The following ANKS1B variants were observed in gnomAD, a reference collection of about 807,000 sequenced individuals.
The protein encoded by ANKS1B is ankyrin repeat and sterile alpha motif domain containing 1B.
Under a neutral mutation model 148.3 loss-of-function variants are expected in ANKS1B, and 36 were observed. The ratio of observed to expected loss-of-function variants is 0.24; its 90% CI spans 0.19 to 0.32. The LOEUF (loss-of-function observed/expected upper bound fraction) is 0.32, where lower values mean the gene tolerates loss of function less well. ANKS1B is among the 10% of genes least tolerant of loss of function. ANKS1B has a pLI of 1.00. For synonymous variants in ANKS1B, 542 were observed against 560.8 expected, an observed-to-expected ratio of 0.97 and a Z score of 0.47; for missense variants, 1,157 against 1,542.6, an observed-to-expected ratio of 0.75 and a Z score of 4.19.
chr12:98,964,062 C>A (rs544080406), intron 17 of ANKS1B, among the ~76,000 whole-genome samples: 21 of 152,040 alleles, frequency 1.4e-4, no homozygotes, highest in African/African-American at 4.8e-4. Flanking sequence ...CGTGCCATTG[C>A]ACTCCAGCCT....
In ANKS1B at chr12:99,062,657, A is replaced by G. The variant is rs917899570; in HGVS notation, c.2626-9348T>C. Among the ~76,000 whole-genome samples, 82 of 152,140 alleles carry G rather than the reference A, an allele frequency of 5.4e-4. 1 individual carries two copies. Among genetic ancestry groups the G allele is most frequent in the African/African-American group, 1.9e-3 (79 of 41,428 alleles). On this transcript the variant is annotated intron_variant, in intron 16 of 26. Transcript: ENST00000683438. Reference sequence around the variant, plus strand: ...GACACCTTATTGAGAAGAGCACAGAAGCTGAGCTGCCCTAGGTTGGGGAGT... The same window carrying G: ...GACACCTTATTGAGAAGAGCACAGAGGCTGAGCTGCCCTAGGTTGGGGAGT...
chr12:99,555,253 G>A (rs868624896), intron 9 of ANKS1B, among the ~76,000 whole-genome samples: 3 of 152,214 alleles, frequency 2.0e-5, no homozygotes, highest in Middle Eastern at 6.8e-3. Flanking sequence ...CACAATGGTT[G>A]AACTAATTTA....
In ANKS1B at chr12:98,765,648, C is replaced by G. The variant is rs559245719; in HGVS notation, c.3579+7394G>C. Among the ~76,000 whole-genome samples the G allele has an allele frequency of 1.6e-4, 24 of 151,952 alleles. No homozygotes were observed. The South Asian group carries it at 4.0e-3, about 25-fold the overall frequency. ...CTCTGCTCACTGTACTCACTGTAAC[C>G]TCCGCCTCCCAGGTTCGAGTGATTC... On this transcript the variant is annotated intron_variant, in intron 25 of 26. Coordinates refer to ENST00000683438, the MANE Select transcript of ANKS1B (RefSeq NM_001352186.2).
intron 11 of ANKS1B, among the ~76,000 whole-genome samples, chr12:99,442,570 A>T (rs766570820): frequency 3.3e-5 from 5 of 151,932 alleles, no homozygotes; most frequent in Non-Finnish European, 4.4e-5. Context: ...AGTGCCAGTG[A>T]TGTTATCTAT....
intron 15 of ANKS1B, among the ~76,000 whole-genome samples, chr12:99,129,258 C>T (rs2065353128): frequency 6.6e-6 from 1 of 152,202 alleles, no homozygotes; most frequent in Non-Finnish European, 1.5e-5. Flanking sequence ...AGGCATCACT[C>T]AGAGTTCCAG....
intron 1 of ANKS1B, among the ~76,000 whole-genome samples, chr12:99,836,578 CTCT>C (rs2084893641): frequency 6.6e-6 from 1 of 152,042 alleles, no homozygotes; most frequent in Non-Finnish European, 1.5e-5. Flanking sequence ...ATTATGACCT[CTCT>C]TCAATATATA....
intron 17 of ANKS1B, among the ~76,000 whole-genome samples, chr12:98,846,458 T>C (rs939416511): frequency 1.3e-5 from 2 of 152,268 alleles, no homozygotes; most frequent in African/African-American, 2.4e-5. Context: ...TAGCTGCTGA[T>C]GGTGCTGGTC....
intron 1 of ANKS1B, among the ~76,000 whole-genome samples, chr12:99,907,196 G>A (rs1042552432): frequency 6.6e-6 from 1 of 152,302 alleles, no homozygotes; most frequent in African/African-American, 2.4e-5. Flanking sequence ...AGCACTGTCA[G>A]GGGAAGTCAC....
intron 12 of ANKS1B, among the ~76,000 whole-genome samples, chr12:99,368,696 G>A (rs899266874): frequency 6.6e-6 from 1 of 151,962 alleles, no homozygotes; most frequent in African/African-American, 2.4e-5. Flanking sequence ...CAATTTTACA[G>A]TGGTTGAGAA....
chr12:99,716,088 C>T (rs2057283295), intron 8 of ANKS1B, among the ~76,000 whole-genome samples: 1 of 152,050 alleles, frequency 6.6e-6, no homozygotes, highest in Admixed American at 6.6e-5. Flanking sequence ...AAAACCACAA[C>T]CCCTTCTCTC....
intron 17 of ANKS1B, among the ~76,000 whole-genome samples, chr12:98,959,467 C>T (rs976346980): frequency 1.3e-5 from 2 of 152,104 alleles, no homozygotes; most frequent in Non-Finnish European, 2.9e-5. Context: ...TGCTCCAAGG[C>T]CAGTCATTTG....
In ANKS1B at chr12:99,606,955, C is replaced by T. The variant is rs1474533050; in HGVS notation, c.1272+48112G>A. Among the ~76,000 whole-genome samples the T allele has an allele frequency of 2.0e-5, 3 of 152,120 alleles. No individual in the cohort carries two copies. In the East Asian group the frequency reaches 5.8e-4, roughly 29 times the overall value. ...CACCCCAGCCATCCTGGGTCCTAAACATCCACTCAGCACCCAGAAGGCTAC... is the reference window on the plus strand; with the variant it reads ...CACCCCAGCCATCCTGGGTCCTAAATATCCACTCAGCACCCAGAAGGCTAC... On this transcript the variant is annotated intron_variant, in intron 9 of 26. Coordinates refer to ENST00000683438, the MANE Select transcript of ANKS1B (RefSeq NM_001352186.2).
intron 8 of ANKS1B, among the ~76,000 whole-genome samples, chr12:99,735,807 C>CAAAAAAAAAAAAAAAAAAAAAAAAA (rs376398944): frequency 9.2e-5 from 10 of 108,918 alleles, no homozygotes; most frequent in African/African-American, 1.4e-4. Flanking sequence ...GGACATATAC[C>CAAAAAAAAAAAAAAAAAAAAAAAAA]AAAAAAAAAA....
intron 9 of ANKS1B, among the ~76,000 whole-genome samples, chr12:99,615,087 G>A (rs1198256639): frequency 1.3e-5 from 2 of 152,020 alleles, no homozygotes; most frequent in Non-Finnish European, 2.9e-5. Context: ...GGGAAATTTT[G>A]AAAAATGCTT....
intron 12 of ANKS1B, among the ~76,000 whole-genome samples, chr12:99,268,320 C>T (rs1015128391): frequency 6.6e-6 from 1 of 152,058 alleles, no homozygotes; most frequent in African/African-American, 2.4e-5. Context: ...AATATGAGTC[C>T]CCTTGAAAAA....
intron 8 of ANKS1B, among the ~76,000 whole-genome samples, chr12:99,694,354 G>C (rs1429237604): frequency 6.6e-6 from 1 of 150,862 alleles, no homozygotes; most frequent in Non-Finnish European, 1.5e-5. Context: ...CAGAAGAATC[G>C]CTTGAACCCG....
intron 12 of ANKS1B, among the ~76,000 whole-genome samples, chr12:99,359,581 C>T (rs1404035819): frequency 6.6e-6 from 1 of 151,946 alleles, no homozygotes; most frequent in Non-Finnish European, 1.5e-5. Flanking sequence ...AAAAATGTTC[C>T]TTTAAATGAA....
intron 14 of ANKS1B, among the ~76,000 whole-genome samples, chr12:99,211,770 G>C (rs1419517806): frequency 6.6e-6 from 1 of 152,154 alleles, no homozygotes; most frequent in African/African-American, 2.4e-5. Flanking sequence ...CCATTGAAGT[G>C]GTATTGAGCT....
intron 9 of ANKS1B, among the ~76,000 whole-genome samples, chr12:99,549,401 G>T (rs957128229): frequency 2.6e-5 from 4 of 152,194 alleles, no homozygotes; most frequent in African/African-American, 9.7e-5. Context: ...GGTTTTTGAA[G>T]TCTTAGTAAA....
Sources: allele counts gnomAD v4.1 joint callset (sites outside exome capture counted in the v4.1 genomes callset), GRCh38; gene constraint gnomAD v4.1.1; transcripts MANE v1.5; gene names NCBI Gene and HGNC (gene_info 2026-07-23, HGNC 2026-07-21).